The following GLCE variants were observed in gnomAD, a reference collection of about 807,000 sequenced individuals.
GLCE encodes the protein D-glucuronyl C5-epimerase.
Under a neutral mutation model 47.9 loss-of-function variants are expected in GLCE, and 19 were observed. The ratio of observed to expected loss-of-function variants is 0.40; its 90% CI spans 0.28 to 0.58. The LOEUF (loss-of-function observed/expected upper bound fraction) is 0.58, where lower values mean the gene tolerates loss of function less well. GLCE is among the 20% of genes least tolerant of loss of function. The probability of loss-of-function intolerance (pLI) is 0.48; values close to 1 mark genes in which losing one functional copy is unlikely to be tolerated. For synonymous variants in GLCE, 245 were observed against 263.4 expected (o/e 0.93, Z 0.68); for missense variants, 556 against 743.3 (o/e 0.75, Z 2.93).
chr15:69,190,740 A>G (rs1340211940), intron 1 of GLCE, among the ~76,000 whole-genome samples: 1 of 152,062 alleles, frequency 6.6e-6, no homozygotes, highest in African/African-American at 2.4e-5. Flanking sequence ...ATCCCTTTTA[A>G]TCAGGAGTTT....
chr15:69,224,777 A>C (rs944638576), intron 2 of GLCE, among the ~76,000 whole-genome samples: 1 of 152,208 alleles, frequency 6.6e-6, no homozygotes, highest in South Asian at 2.1e-4. Context: ...AAATTAATGC[A>C]CTTTATCATT....
At chr15:69,239,345 A>C (rs2052634191) in intron 2 of GLCE, among the ~76,000 whole-genome samples, 1 of 152,294 alleles carries the variant, frequency 6.6e-6, no homozygotes, top group South Asian at 2.1e-4. Context: ...GCATAAGGTG[A>C]TGTAGAAAGA....
At chr15:69,232,312 ATT>A (rs1181256335) in intron 2 of GLCE, among the ~76,000 whole-genome samples, 1 of 152,158 alleles carries the variant, frequency 6.6e-6, no homozygotes, top group Non-Finnish European at 1.5e-5. Context: ...TCTAGGACTA[ATT>A]TATGTTCTTA....
intron 3 of GLCE, among the ~76,000 whole-genome samples, chr15:69,258,321 G>A (rs1476146266): frequency 1.9e-5 from 2 of 103,800 alleles, no homozygotes; most frequent in Admixed American, 1.2e-4. Context: ...TACAAAGCAC[G>A]TGATCTCTTT....
At chr15:69,243,065 A>G (rs1366838216) in intron 2 of GLCE, among the ~76,000 whole-genome samples, 1 of 150,948 alleles carries the variant, frequency 6.6e-6, no homozygotes, top group East Asian at 1.9e-4. Context: ...TCCAAAAAAA[A>G]AAAAAAAAAA....
intron 2 of GLCE, among the ~76,000 whole-genome samples, chr15:69,220,714 G>A (rs368390996): frequency 1.3e-5 from 2 of 151,660 alleles, no homozygotes; most frequent in South Asian, 4.2e-4. Flanking sequence ...GCAAATATTA[G>A]CTCCTATTCT....
chr15:69,226,313 T>C (rs1436314078), intron 2 of GLCE, among the ~76,000 whole-genome samples: 1 of 152,196 alleles, frequency 6.6e-6, no homozygotes, highest in Non-Finnish European at 1.5e-5. Flanking sequence ...AGTGTTAGGT[T>C]AGATAGAATT....
At chr15:69,243,691 C>G (rs1037829686) in intron 2 of GLCE, among the ~76,000 whole-genome samples, 1 of 151,742 alleles carries the variant, frequency 6.6e-6, no homozygotes, top group Non-Finnish European at 1.5e-5. Context: ...TATGTTCTTG[C>G]CAGAAATTAA....
intron 1 of GLCE, among the ~76,000 whole-genome samples, chr15:69,180,666 T>C (rs961381815): frequency 5.3e-5 from 8 of 152,152 alleles, no homozygotes; most frequent in African/African-American, 1.9e-4. Context: ...AAGCTTGTCA[T>C]TGGAGTTGAG....
At chr15:69,169,795 G>T (rs957701539) in intron 1 of GLCE, among the ~76,000 whole-genome samples, 1 of 151,924 alleles carries the variant, frequency 6.6e-6, no homozygotes, top group Admixed American at 6.6e-5. Context: ...CCCTATCATT[G>T]ATGGACATTT....
intron 2 of GLCE, 56 bp from the exon 3 acceptor site, chr15:69,255,738 C>CTT: frequency 1.0e-6 from 1 of 960,474 alleles, no homozygotes; most frequent in Non-Finnish European, 1.6e-6. Flanking sequence ...AAACTTTATC[C>CTT]TATGAAATGC....
At chr15:69,251,277 C>T (rs73437119) in intron 2 of GLCE, among the ~76,000 whole-genome samples, 6,214 of 152,216 alleles carry the variant, frequency 0.041, 413 homozygotes, top group African/African-American at 0.14. Context: ...TTTATTATGA[C>T]TTATCAGGAG....
intron 1 of GLCE, among the ~76,000 whole-genome samples, chr15:69,191,938 A>G (rs1395779638): frequency 2.6e-5 from 4 of 152,096 alleles, no homozygotes; most frequent in Admixed American, 6.6e-5. Context: ...TCAAGGAGAA[A>G]TCTGTGATGA....
At chr15:69,241,050 T>A (rs1264066660) in intron 2 of GLCE, among the ~76,000 whole-genome samples, 1 of 152,220 alleles carries the variant, frequency 6.6e-6, no homozygotes, top group Admixed American at 6.5e-5. Context: ...TACTTTCTCT[T>A]GTTAAAATCA....
In GLCE at chr15:69,268,803, A is replaced by G; in HGVS notation, c.1413A>G (p.Leu471=). ...ACCATATATTCCTCAATTCAGCTTTAAGGGCAACAGCCCCTTATAAGTTTC... is the reference window on the plus strand; with the variant it reads ...ACCATATATTCCTCAATTCAGCTTTGAGGGCAACAGCCCCTTATAAGTTTC... The part of the protein sequence containing the change: ...TKDHIFLNSA[L]RATAPYKFLS... Residue 471 remains leucine, a synonymous_variant, in exon 5 of 5, where the codon TTA becomes TTG. Transcript: ENST00000261858. The G allele has an allele frequency of 3.1e-6, 5 of 1,614,150 alleles. No individual in the cohort carries two copies. The highest frequency in any genetic ancestry group is 3.4e-6 in the Non-Finnish European group (4 of 1,179,984).
chr15:69,231,921 CAG>C (rs1388156078), intron 2 of GLCE, among the ~76,000 whole-genome samples: 5 of 151,940 alleles, frequency 3.3e-5, no homozygotes, highest in African/African-American at 4.8e-5. Flanking sequence ...GCCTCCCAAG[CAG>C]CTGGGATTAC....
chr15:69,197,231 A>T, intron 1 of GLCE: 1 of 423,398 alleles, frequency 2.4e-6, no homozygotes, highest in South Asian at 1.8e-5. Flanking sequence ...CATCCACCGT[A>T]TTCACCTGAC....
chr15:69,230,992 C>G (rs1247879097), intron 2 of GLCE, among the ~76,000 whole-genome samples: 4 of 152,142 alleles, frequency 2.6e-5, no homozygotes, highest in African/African-American at 9.7e-5. Context: ...GCCTGTATTT[C>G]AGATGGAATA....
chr15:69,197,280 C>T, intron 1 of GLCE: 2 of 322,602 alleles, frequency 6.2e-6, no homozygotes, highest in Admixed American at 3.3e-5. Flanking sequence ...AGCATCTCAG[C>T]AACTTTTTGC....
Sources: gnomAD v4.1 joint callset for allele counts (sites outside exome capture counted in the v4.1 genomes callset) on GRCh38, gnomAD v4.1.1 for gene constraint, MANE v1.5 for transcripts, NCBI Gene and HGNC (gene_info 2026-07-23, HGNC 2026-07-21) for gene names.